The following ADGRG7 variants were observed in gnomAD, a reference collection of about 807,000 sequenced individuals.
ADGRG7 encodes adhesion G protein-coupled receptor G7.
In ADGRG7, 82 loss-of-function variants were observed where a neutral mutation model predicts 88.6. That is an observed-to-expected ratio of 0.93 (90% CI 0.77 to 1.11). The LOEUF (loss-of-function observed/expected upper bound fraction) is 1.11. ADGRG7 is among the 50% of genes most tolerant of loss of function. The pLI, the probability that ADGRG7 is intolerant of heterozygous loss-of-function variation, is 0.00. For synonymous variants in ADGRG7, 381 were observed against 345.2 expected (o/e 1.10, Z -1.15); for missense variants, 945 against 953.4 (o/e 0.99, Z 0.12).
intron 15 of ADGRG7, 98 bp downstream of exon 15, chr3:100,669,203 T>G: frequency 3.8e-6 from 4 of 1,050,344 alleles, no homozygotes; most frequent in Non-Finnish European, 5.2e-6. Context: ...TAAAAAAATC[T>G]AGGCCAGGCG....
At chr3:100,638,708 C>T (rs552040833) in intron 6 of ADGRG7, among the ~76,000 whole-genome samples, 25 of 152,126 alleles carry the variant, frequency 1.6e-4, no homozygotes, top group African/African-American at 5.3e-4. Context: ...CTGACCAACA[C>T]TACATTGAAA....
chr3:100,643,447 T>C, intron 7 of ADGRG7, 42 bp downstream of exon 7: 1 of 1,612,064 alleles, frequency 6.2e-7, no homozygotes. Context: ...CAAAGAGCAT[T>C]CTGCTACTGA....
At chr3:100,658,259 C>T (rs1381891938) in intron 13 of ADGRG7, among the ~76,000 whole-genome samples, 2 of 152,198 alleles carry the variant, frequency 1.3e-5, no homozygotes, top group Admixed American at 6.5e-5. Flanking sequence ...TTCTTAACAT[C>T]TCCTCTCCTG....
Position 100,630,741 on chromosome 3 carries a change from C to A in ADGRG7, c.266C>A (p.Thr89Asn). The change falls in exon 3 of 16, where the codon ACT becomes AAT. Residue 89 changes from threonine (T) to asparagine (N), a missense_variant. Physicochemically the swap from Thr to Asn is moderately conservative, Grantham distance 65. Transcript: ENST00000273352. ...GAAAATAGTACCTATATGGGTTTTA[C>A]TTTTGCCAGAATCCCAGTGGGCAGA... ...FCENSTYMGF[T>N]FARIPVGRYG... The A allele has an allele frequency of 6.8e-7, 1 of 1,470,704 alleles. No individual in the cohort carries two copies. Among genetic ancestry groups the A allele is most frequent in the Non-Finnish European group, 9.0e-7 (1 of 1,109,756 alleles). 91.1% of individuals were successfully genotyped at this position (1,470,704 alleles called of 1,614,324 possible).
chr3:100,629,634 T>A lies in ADGRG7; in HGVS notation c.152T>A (p.Phe51Tyr), dbSNP rs1707431347. 1.2e-6 allele frequency: 2 copies of A among 1,613,378 alleles called. No individual in the cohort carries two copies. ...TCCTCATCAAGCACCCCTACAGAGT[T>A]CTGCAGGAATGGTGGAACCTGGGAA... ...STSSSSTPTE[F>Y]CRNGGTWENG... The change falls in exon 2 of 16, where the codon TTC becomes TAC. Residue 51 changes from phenylalanine to tyrosine, a missense_variant. By Grantham distance (22) the Phe-to-Tyr change is conservative. Coordinates refer to ENST00000273352, the MANE Select transcript of ADGRG7 (RefSeq NM_032787.3).
At chr3:100,694,584 C>T (rs1402229580) in intron 15 of ADGRG7, among the ~76,000 whole-genome samples, 160 bp from the exon 16 acceptor site, 2 of 152,288 alleles carry the variant, frequency 1.3e-5, no homozygotes, top group African/African-American at 4.8e-5. Flanking sequence ...TTGCCTCAAC[C>T]CTCTTAGATT....
At chr3:100,651,454 T>C (rs1448305949) in intron 11 of ADGRG7, among the ~76,000 whole-genome samples, 1 of 152,212 alleles carries the variant, frequency 6.6e-6, no homozygotes, top group African/African-American at 2.4e-5. Context: ...ACCTCACTCT[T>C]TTCATTTGTC....
chr3:100,636,302 T>C (rs1294127851), intron 5 of ADGRG7, among the ~76,000 whole-genome samples: 1 of 152,238 alleles, frequency 6.6e-6, no homozygotes, highest in African/African-American at 2.4e-5. Context: ...ACCAACTACA[T>C]TTGACCTTAC....
intron 6 of ADGRG7, among the ~76,000 whole-genome samples, chr3:100,640,948 G>C (rs1265753915): frequency 6.6e-6 from 1 of 152,140 alleles, no homozygotes; most frequent in East Asian, 1.9e-4. Context: ...CCCTAGCACT[G>C]ACCACCTGTA....
intron 14 of ADGRG7, chr3:100,665,145 C>T (rs992981351): frequency 1.5e-5 from 8 of 536,788 alleles, no homozygotes; most frequent in Non-Finnish European, 2.3e-5. Context: ...GCTGTCTGGA[C>T]TAGCTTATTC....
At chr3:100,621,982 A>G (rs1426743968) in intron 1 of ADGRG7, among the ~76,000 whole-genome samples, 2 of 152,208 alleles carry the variant, frequency 1.3e-5, no homozygotes, top group African/African-American at 4.8e-5. Context: ...GACTCTCATA[A>G]CGAGCGTGCA....
intron 14 of ADGRG7, among the ~76,000 whole-genome samples, chr3:100,665,806 C>T (rs952873816): frequency 6.6e-6 from 1 of 152,152 alleles, no homozygotes; most frequent in African/African-American, 2.4e-5. Flanking sequence ...AGATACCAAT[C>T]AAATTTGTAT....
At chr3:100,662,618 G>A (rs1484814626) in intron 14 of ADGRG7, among the ~76,000 whole-genome samples, 4 of 152,072 alleles carry the variant, frequency 2.6e-5, no homozygotes, top group Non-Finnish European at 4.4e-5. Flanking sequence ...GTGATTACCA[G>A]TTGATTTTAT....
intron 1 of ADGRG7, among the ~76,000 whole-genome samples, chr3:100,625,176 T>C (rs1042509722): frequency 6.6e-6 from 1 of 152,234 alleles, no homozygotes; most frequent in African/African-American, 2.4e-5. Context: ...GAAGATGGAA[T>C]GTTTATCCAT....
chr3:100,648,812 A>C (rs1305792825), intron 10 of ADGRG7, among the ~76,000 whole-genome samples: 2 of 152,176 alleles, frequency 1.3e-5, no homozygotes, highest in African/African-American at 4.8e-5. Context: ...ATCAGAAAGT[A>C]CAGATAAGCA....
chr3:100,618,862 TTCCATTTGTTTGTA>T (rs1275404263), intron 1 of ADGRG7, among the ~76,000 whole-genome samples: 3 of 152,232 alleles, frequency 2.0e-5, no homozygotes, highest in Non-Finnish European at 4.4e-5. Flanking sequence ...TGGAATGTTC[TTCCATTTGTTTGTA>T]TCCTCTTTTA....
intron 4 of ADGRG7, among the ~76,000 whole-genome samples, chr3:100,634,889 T>A (rs919640016): frequency 1.3e-5 from 2 of 152,192 alleles, no homozygotes; most frequent in Non-Finnish European, 2.9e-5. Flanking sequence ...GAATTAGGGT[T>A]ATTTGTTTCT....
Position 100,629,695 on chromosome 3 carries a change from A to G in ADGRG7, c.213A>G (p.Gly71=). ...GRCICTEEWK[G]LRCTIANFCE... ...GTATTTGTACAGAAGAGTGGAAAGG[A>G]CTGAGATGTACAATTGGTAAATTAC... is the stretch of plus-strand genomic sequence containing the variant. The change falls in exon 2 of 16, where the codon GGA becomes GGG. Residue 71 remains glycine (G), a synonymous_variant. Transcript: ENST00000273352. 2 of 1,608,642 alleles carry G rather than the reference A, an allele frequency of 1.2e-6. No individual in the cohort carries two copies. Among genetic ancestry groups the G allele is most frequent in the Non-Finnish European group, 1.7e-6 (2 of 1,175,210 alleles).
At chr3:100,646,183 TAGAGTAATAC>T (rs1304088512) in intron 9 of ADGRG7, 75 bp downstream of exon 9, 1 of 766,016 alleles carries the variant, frequency 1.3e-6, no homozygotes, top group Non-Finnish European at 1.9e-6. Context: ...TGAGACTGAG[TAGAGTAATAC>T]AGGGGAAGAA....
Sources: allele counts gnomAD v4.1 joint callset (sites outside exome capture counted in the v4.1 genomes callset), GRCh38; gene constraint gnomAD v4.1.1; transcripts MANE v1.5; gene names NCBI Gene and HGNC (gene_info 2026-07-23, HGNC 2026-07-21).